RLN2: variants seen among roughly 807,000 people sequenced by gnomAD.
The protein encoded by RLN2 is prorelaxin H2.
Under a neutral mutation model 7.3 loss-of-function variants are expected in RLN2, and 10 were observed. That is an observed-to-expected ratio of 1.36 (90% CI 0.84 to 2.31). RLN2 has a LOEUF of 2.31. Among genes scored for constraint, RLN2 ranks in the 30% most tolerant of loss-of-function variants. The probability of loss-of-function intolerance (pLI) is 0.00; values close to 1 mark genes in which losing one functional copy is unlikely to be tolerated. For synonymous variants in RLN2, 103 were observed against 82.3 expected, an observed-to-expected ratio of 1.25 and a Z score of -1.36; for missense variants, 298 against 217.6, an observed-to-expected ratio of 1.37 and a Z score of -2.32.
chr9:5,309,120 C>A (rs1816302762), upstream of RLN2, among the ~76,000 whole-genome samples: 1 of 152,116 alleles, frequency 6.6e-6, no homozygotes, highest in South Asian at 2.1e-4. Context: ...CCCACTCCAA[C>A]AGGGTGAATA....
At chr9:5,330,467 T>C in the RLN2 span, among the ~76,000 whole-genome samples, 4 of 151,206 alleles carry the variant, frequency 2.6e-5, no homozygotes, top group Admixed American at 2.6e-4. Context: ...TGAAACCCCA[T>C]CTCTACTAAA....
chr9:5,330,693 ACAAATTC>A, the RLN2 span, among the ~76,000 whole-genome samples: 2 of 150,592 alleles, frequency 1.3e-5, no homozygotes. Context: ...GCAAGAGCAA[ACAAATTC>A]AAAAGCTAGC....
At chr9:5,319,393 G>T in the RLN2 span, among the ~76,000 whole-genome samples, 2 of 151,944 alleles carry the variant, frequency 1.3e-5, no homozygotes, top group Admixed American at 1.3e-4. Context: ...AATGAAGAAC[G>T]AGGGAGAAAA....
chr9:5,335,671 T>C, the RLN2 span: 6 of 873,978 alleles, frequency 6.9e-6, no homozygotes, highest in Non-Finnish European at 1.1e-5. Flanking sequence ...CTGTGAATGT[T>C]TGCATACACA....
intron 1 of RLN2, among the ~76,000 whole-genome samples, chr9:5,302,253 C>G (rs1317133991): frequency 6.6e-6 from 1 of 152,190 alleles, no homozygotes; most frequent in East Asian, 1.9e-4. Flanking sequence ...AGAAAATATT[C>G]TGTCTGAATT....
the RLN2 span, among the ~76,000 whole-genome samples, chr9:5,322,039 C>G: frequency 6.6e-6 from 1 of 151,874 alleles, no homozygotes; most frequent in Non-Finnish European, 1.5e-5. Context: ...AATAGGAACT[C>G]TGTAGCTTGG....
intron 1 of RLN2, among the ~76,000 whole-genome samples, chr9:5,301,749 C>T (rs561450698): frequency 6.6e-6 from 1 of 152,140 alleles, no homozygotes; most frequent in Admixed American, 6.5e-5. Context: ...TGGGGCTGAT[C>T]ATTTCCTGAG....
the RLN2 span, among the ~76,000 whole-genome samples, chr9:5,335,927 C>G: frequency 1.3e-5 from 2 of 152,032 alleles, no homozygotes; most frequent in African/African-American, 4.8e-5. Context: ...TCATTGGAAA[C>G]AGTTTGGCCA....
the RLN2 span, among the ~76,000 whole-genome samples, chr9:5,329,951 A>T: frequency 6.6e-6 from 1 of 152,004 alleles, no homozygotes; most frequent in Non-Finnish European, 1.5e-5. Flanking sequence ...AATCAACAGA[A>T]TATACATTCT....
chr9:5,307,782 T>C (rs1231878667), upstream of RLN2, among the ~76,000 whole-genome samples: 1 of 152,084 alleles, frequency 6.6e-6, no homozygotes, highest in Middle Eastern at 3.2e-3. Flanking sequence ...AGCCCCATAT[T>C]GAATTCCTTT....
At chr9:5,306,062 G>A (rs1373316373), upstream of RLN2, among the ~76,000 whole-genome samples, 1 of 150,532 alleles carries the variant, frequency 6.6e-6, no homozygotes, top group Non-Finnish European at 1.5e-5. Context: ...AAAGTAATTG[G>A]TCGTTAAAAA....
chr9:5,308,579 A>G (rs1346304402), upstream of RLN2, among the ~76,000 whole-genome samples: 1 of 152,032 alleles, frequency 6.6e-6, no homozygotes, highest in African/African-American at 2.4e-5. Context: ...ATGGAACATC[A>G]CAAGGGACCC....
the RLN2 span, among the ~76,000 whole-genome samples, chr9:5,337,556 G>T: frequency 6.6e-6 from 1 of 151,924 alleles, no homozygotes; most frequent in South Asian, 2.1e-4. Flanking sequence ...GGCACACATT[G>T]TAAGATAAAA....
At chr9:5,312,584 T>A in the RLN2 span, among the ~76,000 whole-genome samples, 1 of 152,080 alleles carries the variant, frequency 6.6e-6, no homozygotes, top group East Asian at 1.9e-4. Flanking sequence ...AGTGGCTTTC[T>A]AATTTTTGGT....
the RLN2 span, among the ~76,000 whole-genome samples, chr9:5,323,458 A>T: frequency 6.6e-6 from 1 of 151,974 alleles, no homozygotes. Flanking sequence ...CTTCTGTTAT[A>T]TAAGGTTACT....
At chr9:5,325,577 A>C in the RLN2 span, among the ~76,000 whole-genome samples, 1 of 152,054 alleles carries the variant, frequency 6.6e-6, no homozygotes, top group African/African-American at 2.4e-5. Flanking sequence ...ACAATATACC[A>C]AATAAGCTTC....
chr9:5,323,627 G>C, the RLN2 span, among the ~76,000 whole-genome samples: 2 of 151,862 alleles, frequency 1.3e-5, no homozygotes, highest in Admixed American at 1.3e-4. Flanking sequence ...CTATTACTTA[G>C]AAATGAATTG....
At chr9:5,319,105 C>A in the RLN2 span, among the ~76,000 whole-genome samples, 2 of 151,932 alleles carry the variant, frequency 1.3e-5, no homozygotes, top group Non-Finnish European at 2.9e-5. Context: ...CTCTTTTTAT[C>A]ATTAACACCA....
At chr9:5,327,408 AC>A in the RLN2 span, among the ~76,000 whole-genome samples, 1 of 152,108 alleles carries the variant, frequency 6.6e-6, no homozygotes, top group South Asian at 2.1e-4. Flanking sequence ...GGAAGCACAA[AC>A]TGGGTGGAGT....
Sources: gnomAD v4.1 joint callset for allele counts (sites outside exome capture counted in the v4.1 genomes callset) on GRCh38, gnomAD v4.1.1 for gene constraint, MANE v1.5 for transcripts, NCBI Gene and HGNC (gene_info 2026-07-23, HGNC 2026-07-21) for gene names.